NXN: variants seen among roughly 807,000 people sequenced by gnomAD.
NXN encodes nucleoredoxin 1.
In NXN, 16 loss-of-function variants were observed where a neutral mutation model predicts 48.6. That is an observed-to-expected ratio of 0.33 (90% CI 0.22 to 0.50). The LOEUF is 0.50. NXN is among the 20% of genes least tolerant of loss of function. NXN has a pLI of 0.98. For synonymous variants in NXN, 281 were observed against 269.6 expected, an observed-to-expected ratio of 1.04 and a Z score of -0.41; for missense variants, 492 against 605.5, an observed-to-expected ratio of 0.81 and a Z score of 1.97.
chr17:823,901 ATAATCATC>A, intron 2 of NXN, 136 bp from the exon 3 acceptor site: 1 of 750,156 alleles, frequency 1.3e-6, no homozygotes, highest in East Asian at 2.7e-5. Context: ...GCGTGACAAG[ATAATCATC>A]AAACAGTACT....
chr17:844,590 T>C (rs2067839487), intron 1 of NXN, among the ~76,000 whole-genome samples: 1 of 152,160 alleles, frequency 6.6e-6, no homozygotes, highest in Non-Finnish European at 1.5e-5. Context: ...CTTTTCTTTT[T>C]TTTCTTTTTT....
chr17:803,619 T>C, intron 7 of NXN, 63 bp downstream of exon 7: 4 of 1,606,912 alleles, frequency 2.5e-6, no homozygotes, highest in Non-Finnish European at 3.4e-6. Flanking sequence ...GGGGCCAGGA[T>C]CAGTCCTGTG....
rs559143038 is a variant in NXN, at chr17:866,744, A to T, written c.361-40666T>A. Among the ~76,000 whole-genome samples the T allele has an allele frequency of 1.6e-3, 240 of 152,348 alleles. 1 individual carries two copies. The highest frequency in any genetic ancestry group is 5.2e-3 in the African/African-American group (216 of 41,574). On this transcript the variant is annotated intron_variant, in intron 1 of 7. Coordinates refer to ENST00000336868, the MANE Select transcript of NXN (RefSeq NM_022463.5). ...AATTTCAGCCCAGACCCTATCAAGC[A>T]AGGACTTTTTAACTGAATCAGCAAT...
chr17:866,560 C>T (rs1485012278), intron 1 of NXN, among the ~76,000 whole-genome samples: 1 of 152,056 alleles, frequency 6.6e-6, no homozygotes, highest in African/African-American at 2.4e-5. Flanking sequence ...CGACAGAGAC[C>T]CCATCTCAAT....
chr17:877,973 C>CA (rs1195558746), intron 1 of NXN: 1 of 152,156 alleles, frequency 6.6e-6, no homozygotes, highest in Non-Finnish European at 1.5e-5. Flanking sequence ...TGTGGGCTAA[C>CA]AGACAGGGCT....
intron 1 of NXN, chr17:896,925 CT>C (rs1292771400): frequency 1.6e-6 from 2 of 1,251,360 alleles, no homozygotes; most frequent in Non-Finnish European, 2.1e-6. Flanking sequence ...CAATATTCTT[CT>C]TTTTTTCCCA....
intron 1 of NXN, among the ~76,000 whole-genome samples, chr17:925,015 G>A (rs1311620120): frequency 6.6e-6 from 1 of 152,218 alleles, no homozygotes; most frequent in Non-Finnish European, 1.5e-5. Flanking sequence ...GTTTGGCCCA[G>A]GGCCTTGGGA....
intron 5 of NXN, among the ~76,000 whole-genome samples, chr17:810,007 C>CAG (rs1218582462): frequency 8.7e-6 from 1 of 114,964 alleles, no homozygotes; most frequent in African/African-American, 3.4e-5. Flanking sequence ...CGTTACGAGT[C>CAG]TGTGAGTGGC....
chr17:813,901 G>A (rs182989923), intron 5 of NXN, among the ~76,000 whole-genome samples: 5 of 150,708 alleles, frequency 3.3e-5, no homozygotes, highest in Non-Finnish European at 5.9e-5. Flanking sequence ...GGGAGGCAGA[G>A]GTTGCAGTGA....
At chr17:967,410 C>T (rs944820640) in intron 1 of NXN, among the ~76,000 whole-genome samples, 2 of 152,206 alleles carry the variant, frequency 1.3e-5, no homozygotes, top group African/African-American at 4.8e-5. Context: ...CCCAGGACGG[C>T]ATCTGTGCCA....
In NXN at chr17:919,880, T is replaced by G. The variant is rs1477531507; in HGVS notation, c.360+59439A>C. Among the ~76,000 whole-genome samples, 1 of 152,150 alleles carries G rather than the reference T, an allele frequency of 6.6e-6. No homozygotes were observed. Among genetic ancestry groups the G allele is most frequent in the Non-Finnish European group, 1.5e-5 (1 of 68,026 alleles). On this transcript the variant is annotated intron_variant, in intron 1 of 7. Coordinates refer to ENST00000336868, the MANE Select transcript of NXN (RefSeq NM_022463.5). This position sits in a 1 kb window ranked among gnomAD's most constrained non-coding sequence, Gnocchi z 5.1. ...ATAGCTACACCTCCCTCTTGTCACC[T>G]TGCAGACTGGTATTCACTAACCCCC...
chr17:915,875 C>A (rs528160727), intron 1 of NXN, among the ~76,000 whole-genome samples: 22 of 152,172 alleles, frequency 1.4e-4, no homozygotes, highest in Middle Eastern at 6.8e-3. Context: ...GGTGTCAGAG[C>A]TGGAACTTCC....
In NXN at chr17:843,059, G is replaced by GAAAGAAA. The variant is rs1567829215; in HGVS notation, c.361-16982_361-16981insTTTCTTT. ...AAGAAAGAAAGAAAGAAAGAAAGAA[G>GAAAGAAA]GAAGAAAGCAAGCAAGCAAGCTGCA... On this transcript the variant is annotated intron_variant, in intron 1 of 7. Transcript: ENST00000336868. 1.9e-3 allele frequency among the ~76,000 whole-genome samples: 188 copies of GAAAGAAA among 98,472 alleles called. 1 individual carries two copies. Among genetic ancestry groups the GAAAGAAA allele is most frequent in the South Asian group, 4.5e-3 (14 of 3,080 alleles). 64.6% of individuals were successfully genotyped at this position (98,472 alleles called of 152,430 possible).
At chr17:883,756 G>C (rs1219027127) in intron 1 of NXN, among the ~76,000 whole-genome samples, 1 of 152,228 alleles carries the variant, frequency 6.6e-6, no homozygotes, top group Non-Finnish European at 1.5e-5. Context: ...GAAGTGGGAG[G>C]CAGCAAAGCC....
intron 1 of NXN, among the ~76,000 whole-genome samples, chr17:902,413 A>G (rs546468208): frequency 6.6e-6 from 1 of 152,308 alleles, no homozygotes; most frequent in East Asian, 1.9e-4. Context: ...TCCTCGGGAC[A>G]TCTACATCGA....
At chr17:819,396 A>G in intron 5 of NXN, 43 bp downstream of exon 5, 2 of 1,393,596 alleles carry the variant, frequency 1.4e-6, no homozygotes, top group Non-Finnish European at 2.0e-6. Context: ...TCAGGTGAGC[A>G]GGTTTCCAGG....
In NXN at chr17:831,235, G is replaced by A. The variant is rs960348043; in HGVS notation, c.361-5157C>T. Among the ~76,000 whole-genome samples, 5 of 151,254 alleles carry A rather than the reference G, an allele frequency of 3.3e-5. No homozygotes were observed. In the East Asian group the frequency reaches 5.9e-4, roughly 18 times the overall value. On this transcript the variant is annotated intron_variant, in intron 1 of 7. Transcript: ENST00000336868. The stretch of plus-strand genomic sequence containing the variant: ...AGCACTTAGGGAGGCAAGGGGGAGC[G>A]GATCACCCGAGCCCAGGACTTCAAG...
chr17:811,920 C>CTTTTTT (rs34383551), intron 5 of NXN, among the ~76,000 whole-genome samples: 5 of 73,200 alleles, frequency 6.8e-5, no homozygotes, highest in Non-Finnish European at 1.2e-4. Flanking sequence ...CCCAGTTCTG[C>CTTTTTT]TTTTTTTTTT....
intron 1 of NXN, among the ~76,000 whole-genome samples, chr17:839,671 A>T (rs1436218920): frequency 6.6e-6 from 1 of 151,290 alleles, no homozygotes; most frequent in Non-Finnish European, 1.5e-5. Flanking sequence ...GCATGGTGGC[A>T]CACATCTGTA....
Sources: gnomAD v4.1 joint callset for allele counts (sites outside exome capture counted in the v4.1 genomes callset) on GRCh38, gnomAD v4.1.1 for gene constraint, Gnocchi (gnomAD v3.1) non-coding constraint, MANE v1.5 for transcripts, NCBI Gene and HGNC (gene_info 2026-07-23, HGNC 2026-07-21) for gene names.